GBF1: variants seen among roughly 807,000 people sequenced by gnomAD.
GBF1 encodes the protein Golgi-specific brefeldin A-resistance guanine nucleotide exchange factor 1.
GBF1 carries 114 observed loss-of-function variants against 210.5 expected under a neutral mutation model. The observed-to-expected ratio is 0.54, with a 90% CI of 0.47 to 0.63. GBF1 has a LOEUF of 0.63. GBF1 is among the 30% of genes least tolerant of loss of function. The pLI is 0.00. For synonymous variants in GBF1, 850 were observed against 889.2 expected, an observed-to-expected ratio of 0.96 and a Z score of 0.78; for missense variants, 1,851 against 2,357.7, an observed-to-expected ratio of 0.79 and a Z score of 4.45.
chr10:102,330,663 G>T (rs1249249279), intron 3 of GBF1, among the ~76,000 whole-genome samples: 1 of 151,876 alleles, frequency 6.6e-6, no homozygotes, highest in Non-Finnish European at 1.5e-5. Flanking sequence ...TCCAGCCTGG[G>T]CAACAAGAGC....
At chr10:102,324,735 C>A (rs914965962) in intron 3 of GBF1, among the ~76,000 whole-genome samples, 1 of 151,948 alleles carries the variant, frequency 6.6e-6, no homozygotes, top group South Asian at 2.1e-4. Flanking sequence ...TACAGGCGCC[C>A]GCCACCACGG....
At chr10:102,360,079 A>G in intron 11 of GBF1, 105 bp from the exon 12 acceptor site, 20 of 771,444 alleles carry the variant, frequency 2.6e-5, no homozygotes, top group South Asian at 2.5e-4. Context: ...TTCTTCAAAG[A>G]GAATCACTTA....
chr10:102,340,962 G>A (rs1044676685), intron 3 of GBF1, among the ~76,000 whole-genome samples: 3 of 152,060 alleles, frequency 2.0e-5, no homozygotes, highest in Admixed American at 2.0e-4. Context: ...TTAATAAGTT[G>A]GACTTCATCA....
the GBF1 span, among the ~76,000 whole-genome samples, chr10:102,236,093 G>A: frequency 6.6e-6 from 1 of 152,204 alleles, no homozygotes; most frequent in Non-Finnish European, 1.5e-5. Flanking sequence ...AAGGGTGGGG[G>A]CATAGACCTC....
chr10:102,357,486 C>CA (rs1173962338), intron 8 of GBF1, among the ~76,000 whole-genome samples: 1,246 of 101,114 alleles, frequency 0.012, 10 homozygotes, highest in African/African-American at 0.029. Context: ...GACTCCATCT[C>CA]AAAAAAAAAA....
chr10:102,370,970 T>C, intron 29 of GBF1, 110 bp downstream of exon 29: 1 of 1,046,772 alleles, frequency 9.6e-7, no homozygotes, highest in Non-Finnish European at 1.4e-6. Context: ...CCCCATAGCA[T>C]GAGTCCAGTG....
chr10:102,264,906 G>A (rs1426642807), intron 3 of GBF1, among the ~76,000 whole-genome samples: 3 of 152,316 alleles, frequency 2.0e-5, no homozygotes, highest in East Asian at 1.9e-4. Context: ...TCTTACATCT[G>A]CCCAAGCCCT....
chr10:102,355,077 A>T (rs920387876), intron 8 of GBF1, among the ~76,000 whole-genome samples: 1 of 152,064 alleles, frequency 6.6e-6, no homozygotes, highest in East Asian at 1.9e-4. Flanking sequence ...GGTATAGGGG[A>T]GCTTAGGGGA....
chr10:102,353,267 A>G (rs1002707151), intron 7 of GBF1, among the ~76,000 whole-genome samples: 1 of 152,096 alleles, frequency 6.6e-6, no homozygotes, highest in Non-Finnish European at 1.5e-5. Context: ...TAGGGTTTTG[A>G]TAGACTGCCC....
intron 3 of GBF1, among the ~76,000 whole-genome samples, chr10:102,295,358 A>G (rs1012806969): frequency 2.0e-5 from 3 of 152,368 alleles, no homozygotes; most frequent in Non-Finnish European, 4.4e-5. Flanking sequence ...GCACATATCA[A>G]ACAGTTGCAA....
At chr10:102,267,637 A>G (rs542077715) in intron 3 of GBF1, among the ~76,000 whole-genome samples, 11 of 152,200 alleles carry the variant, frequency 7.2e-5, no homozygotes, top group Non-Finnish European at 1.6e-4. Flanking sequence ...GTAATATATC[A>G]TTATTAATCA....
At chr10:102,370,587 C>A in intron 28 of GBF1, 109 bp downstream of exon 28, 1 of 1,305,090 alleles carries the variant, frequency 7.7e-7, no homozygotes, top group Non-Finnish European at 1.1e-6. Flanking sequence ...AGGGGAGAAG[C>A]TTACTCATCA....
At chr10:102,247,103 T>C (rs1414188777) in intron 1 of GBF1, among the ~76,000 whole-genome samples, 1 of 152,178 alleles carries the variant, frequency 6.6e-6, no homozygotes, top group Admixed American at 6.5e-5. Context: ...TCAGGAACAC[T>C]TTGCACTTTT....
intron 1 of GBF1, among the ~76,000 whole-genome samples, chr10:102,247,047 TTTCAGTATGTG>T (rs1342253177): frequency 6.6e-6 from 1 of 152,178 alleles, no homozygotes; most frequent in Non-Finnish European, 1.5e-5. Flanking sequence ...CTGGGATTAG[TTTCAGTATGTG>T]ATCAGGACTT....
In GBF1 at chr10:102,381,161, TCTCGC is replaced by T; in HGVS notation, c.5212_5216del (p.Ala1738SerfsTer11). On this transcript the variant is annotated frameshift_variant, in exon 39 of 40. Transcript: ENST00000369983. LOFTEE classifies it high-confidence loss of function. ...CCATGGAGCCTCAAGGCCAAAAGCC[TCTCGC>T]CTCAGCCCACCTGACTTCCGCTGCT... is the stretch of plus-strand genomic sequence containing the variant. 2 of 1,613,894 alleles carry T rather than the reference TCTCGC, an allele frequency of 1.2e-6. No homozygotes were observed. Among genetic ancestry groups the T allele is most frequent in the Non-Finnish European group, 1.7e-6 (2 of 1,179,912 alleles).
chr10:102,235,494 T>C, the GBF1 span, among the ~76,000 whole-genome samples: 1 of 152,196 alleles, frequency 6.6e-6, no homozygotes, highest in Non-Finnish European at 1.5e-5. Context: ...TTTACCTCTC[T>C]GAGCACATTT....
At chr10:102,258,774 C>CAAAAAAAAAAAAAA (rs74634439) in intron 1 of GBF1, among the ~76,000 whole-genome samples, 155 bp from the exon 2 acceptor site, 1 of 79,686 alleles carries the variant, frequency 1.3e-5, no homozygotes, top group African/African-American at 4.6e-5. Context: ...AACTCTGCCT[C>CAAAAAAAAAAAAAA]AAAAAAAAAA....
chr10:102,317,774 T>G (rs111413741), intron 3 of GBF1, among the ~76,000 whole-genome samples: 1 of 152,198 alleles, frequency 6.6e-6, no homozygotes, highest in South Asian at 2.1e-4. Context: ...GCCTCTTCTT[T>G]TATCATGTTA....
Position 102,366,895 on chromosome 10 carries a change from T to C in GBF1, c.2434-190T>C, listed in dbSNP as rs1055411142. Among the ~76,000 whole-genome samples the C allele has an allele frequency of 6.6e-6, 1 of 152,102 alleles. No individual in the cohort carries two copies. Among genetic ancestry groups the C allele is most frequent in the Non-Finnish European group, 1.5e-5 (1 of 68,010 alleles). On this transcript the variant is annotated intron_variant, in intron 19 of 39. Coordinates refer to ENST00000369983, the MANE Select transcript of GBF1 (RefSeq NM_001377137.1). This position sits in a 1 kb window ranked among gnomAD's most constrained non-coding sequence, Gnocchi z 4.0. ...ACCACCGCACCCAGCCTGCTGTCTC[T>C]TAAAAAGTCAGAGAGCAAAATTAGT...
Sources: gnomAD v4.1 joint callset for allele counts (sites outside exome capture counted in the v4.1 genomes callset) on GRCh38, gnomAD v4.1.1 for gene constraint, Gnocchi (gnomAD v3.1) non-coding constraint, MANE v1.5 for transcripts, NCBI Gene and HGNC (gene_info 2026-07-23, HGNC 2026-07-21) for gene names.